Variants in MTA3 observed in about 807,000 individuals in gnomAD.
MTA3 encodes the protein metastasis associated 1 family member 3, also known as metastasis-associated protein MTA3.
In MTA3, 34 loss-of-function variants were observed where a neutral mutation model predicts 83.5. The observed-to-expected ratio is 0.41, with a 90% CI of 0.31 to 0.54. The LOEUF (loss-of-function observed/expected upper bound fraction) is 0.54, where lower values mean the gene tolerates loss of function less well. MTA3 is among the 20% of genes least tolerant of loss of function. The pLI is 0.33. For synonymous variants in MTA3, 303 were observed against 252.7 expected (o/e 1.20, Z -1.89); for missense variants, 761 against 726.4 (o/e 1.05, Z -0.55).
At chr2:42,690,861 TTTA>T (rs1164157999) in intron 9 of MTA3, among the ~76,000 whole-genome samples, 1 of 52,304 alleles carries the variant, frequency 1.9e-5, no homozygotes, top group Non-Finnish European at 3.2e-5. Flanking sequence ...TTTTATTTTA[TTTA>T]TTTATTTATT....
intron 2 of MTA3, among the ~76,000 whole-genome samples, chr2:42,576,467 A>G (rs1679039448): frequency 6.6e-6 from 1 of 152,196 alleles, no homozygotes; most frequent in Admixed American, 6.5e-5. Context: ...CCAAATAATG[A>G]TTTAAAAATA....
chr2:42,572,332 C>A (rs554303902), intron 2 of MTA3, among the ~76,000 whole-genome samples: 1 of 151,920 alleles, frequency 6.6e-6, no homozygotes, highest in East Asian at 1.9e-4. Flanking sequence ...ACCTGTAATC[C>A]TAACATTTTG....
At chr2:42,679,239 T>C (rs973784491) in intron 8 of MTA3, among the ~76,000 whole-genome samples, 7 of 152,202 alleles carry the variant, frequency 4.6e-5, no homozygotes, top group African/African-American at 1.7e-4. Flanking sequence ...TTAGAAAGTA[T>C]AATTTTCCAT....
chr2:42,564,265 C>A (rs1000257785), upstream of MTA3, among the ~76,000 whole-genome samples: 1 of 152,204 alleles, frequency 6.6e-6, no homozygotes, highest in Admixed American at 6.5e-5. Flanking sequence ...GAGAAGGAAC[C>A]TTCTTGTGGA....
chr2:42,708,628 C>T (rs1193124392), intron 13 of MTA3, among the ~76,000 whole-genome samples: 1 of 152,178 alleles, frequency 6.6e-6, no homozygotes, highest in East Asian at 1.9e-4. Context: ...ATACCACTTA[C>T]TGTGAATGTG....
At chr2:42,528,909 T>C (rs556264029) in intron 2 of MTA3, among the ~76,000 whole-genome samples, 4 of 152,324 alleles carry the variant, frequency 2.6e-5, no homozygotes, top group South Asian at 2.1e-4. Flanking sequence ...ACAGCTGGAT[T>C]GGTTACCCTG....
intron 4 of MTA3, chr2:42,614,002 C>G (rs868482420): frequency 6.6e-6 from 1 of 152,174 alleles, no homozygotes; most frequent in Non-Finnish European, 1.5e-5. Flanking sequence ...TTATTAAGCA[C>G]TATAAGCCTT....
intron 8 of MTA3, among the ~76,000 whole-genome samples, chr2:42,675,780 T>G (rs1691296468): frequency 6.6e-6 from 1 of 152,238 alleles, no homozygotes; most frequent in Non-Finnish European, 1.5e-5. Flanking sequence ...CCCTACATTT[T>G]CTCTACTGGA....
At chr2:42,692,141 C>G (rs1166844486) in intron 9 of MTA3, among the ~76,000 whole-genome samples, 3 of 152,076 alleles carry the variant, frequency 2.0e-5, no homozygotes, top group Admixed American at 1.3e-4. Context: ...TATAAGCAGG[C>G]TTCATTGGTT....
intron 2 of MTA3, among the ~76,000 whole-genome samples, chr2:42,573,904 C>T (rs1464436241): frequency 1.4e-5 from 2 of 146,840 alleles, no homozygotes; most frequent in African/African-American, 2.5e-5. Context: ...CTGCAAGCTC[C>T]GCCTCCTGGG....
chr2:42,691,782 T>C (rs1692922257), intron 9 of MTA3, among the ~76,000 whole-genome samples: 1 of 152,364 alleles, frequency 6.6e-6, no homozygotes, highest in East Asian at 1.9e-4. Context: ...ACATTTTCAC[T>C]GGATATACTA....
At chr2:42,640,538 G>T (rs528309675) in intron 5 of MTA3, among the ~76,000 whole-genome samples, 19 of 152,160 alleles carry the variant, frequency 1.2e-4, no homozygotes, top group Non-Finnish European at 2.5e-4. Flanking sequence ...ATGCTTTAGT[G>T]TGCTTGGCTC....
chr2:42,737,366 C>T (rs1054336953), intron 16 of MTA3, among the ~76,000 whole-genome samples: 25 of 152,306 alleles, frequency 1.6e-4, no homozygotes, highest in Admixed American at 1.2e-3. Context: ...CTGTGGGCAC[C>T]GGCTGAGTTC....
intron 4 of MTA3, among the ~76,000 whole-genome samples, chr2:42,616,176 C>T (rs894546795): frequency 6.6e-6 from 1 of 152,140 alleles, no homozygotes; most frequent in Non-Finnish European, 1.5e-5. Context: ...TCTCCCACCT[C>T]AGCCTCCCGA....
chr2:42,729,362 A>C (rs543841324), intron 16 of MTA3, among the ~76,000 whole-genome samples: 1 of 152,078 alleles, frequency 6.6e-6, no homozygotes, highest in Non-Finnish European at 1.5e-5. Flanking sequence ...CGGTCTCCCA[A>C]AGTGCTGGGA....
chr2:42,572,059 C>T (rs1452904018), intron 2 of MTA3, among the ~76,000 whole-genome samples: 6 of 151,960 alleles, frequency 3.9e-5, no homozygotes, highest in Non-Finnish European at 7.4e-5. Context: ...AGGCGGATCA[C>T]GGGGTCAGGA....
chr2:42,571,312 T>A (rs1345185109), intron 2 of MTA3, among the ~76,000 whole-genome samples: 1 of 140,000 alleles, frequency 7.1e-6, no homozygotes. Flanking sequence ...GGCAGGAGAA[T>A]CCAGGTGGAG....
At chr2:42,622,581 T>C (rs1382754036) in intron 4 of MTA3, among the ~76,000 whole-genome samples, 6 of 152,234 alleles carry the variant, frequency 3.9e-5, no homozygotes, top group Non-Finnish European at 8.8e-5. Context: ...TAAATGTTGA[T>C]ACATATGTAT....
At chr2:42,536,522 C>G (rs78926041) in intron 2 of MTA3, among the ~76,000 whole-genome samples, 1,668 of 151,624 alleles carry the variant, frequency 0.011, 33 homozygotes, top group African/African-American at 0.038. Context: ...GTTAGAGACC[C>G]TTTCCGAGGC....
Sources: allele counts gnomAD v4.1 joint callset (sites outside exome capture counted in the v4.1 genomes callset), GRCh38; gene constraint gnomAD v4.1.1; transcripts MANE v1.5; gene names NCBI Gene and HGNC (gene_info 2026-07-23, HGNC 2026-07-21).